The following CDH9 variants were observed in gnomAD, a reference collection of about 807,000 sequenced individuals.
CDH9 encodes the protein cadherin 9.
CDH9 carries 28 observed loss-of-function variants against 70.9 expected under a neutral mutation model. The observed-to-expected ratio is 0.40, with a 90% CI of 0.29 to 0.54. CDH9 has a LOEUF of 0.54. Ranked by LOEUF, CDH9 falls within the 20% of genes least tolerant of loss-of-function variation. The pLI is 0.59. For synonymous variants in CDH9, 409 were observed against 343.1 expected, an observed-to-expected ratio of 1.19 and a Z score of -2.12; for missense variants, 874 against 984.4, an observed-to-expected ratio of 0.89 and a Z score of 1.50.
At chr5:26,948,222 A>G (rs1001045349) in intron 2 of CDH9, among the ~76,000 whole-genome samples, 21 of 152,230 alleles carry the variant, frequency 1.4e-4, no homozygotes, top group Admixed American at 2.6e-4. Flanking sequence ...CAACACGGAG[A>G]TGACAGTTCA....
chr5:26,915,937 A>T lies in CDH9; in HGVS notation c.229-13T>A. ...GGTCAGTGTGAAGCTTTAGAGAGGTAGAAAAGAAGAGTTCTGTAAATATAT... is the reference window on the plus strand; with the variant it reads ...GGTCAGTGTGAAGCTTTAGAGAGGTTGAAAAGAAGAGTTCTGTAAATATAT... On this transcript the variant is annotated splice_polypyrimidine_tract_variant and intron_variant, in intron 2 of 11. Transcript: ENST00000231021. The T allele has an allele frequency of 6.4e-7, 1 of 1,550,836 alleles. No individual in the cohort carries two copies. Among genetic ancestry groups the T allele is most frequent in the Non-Finnish European group, 8.8e-7 (1 of 1,141,438 alleles).
intron 1 of CDH9, among the ~76,000 whole-genome samples, chr5:26,999,568 G>T: frequency 6.6e-6 from 1 of 152,108 alleles, no homozygotes; most frequent in East Asian, 1.9e-4. Flanking sequence ...TCCAGAATTA[G>T]ACCCACACAA....
rs554539175 is a variant in CDH9, at chr5:26,969,386, G to T, written c.228+18720C>A. The stretch of plus-strand genomic sequence containing the variant: ...TTATTTTACAAGACTGATTGGAGAA[G>T]AACTACATTTCACTATTGTTTTAAT... On this transcript the variant is annotated intron_variant, in intron 2 of 11. Transcript: ENST00000231021. Among the ~76,000 whole-genome samples, 29 of 152,174 alleles carry T rather than the reference G, an allele frequency of 1.9e-4. No individual in the cohort carries two copies. The South Asian group carries it at 5.0e-3, about 26-fold the overall frequency.
rs1407237552 is a variant in CDH9 at position 26,880,634 on chromosome 5, A to G, written c.*502T>C. 1.3e-5 allele frequency: 2 copies of G among 152,438 alleles called. No individual in the cohort carries two copies. The highest frequency in any genetic ancestry group is 1.3e-4 in the Admixed American group (2 of 15,238). 9.4% of individuals were successfully genotyped at this position (152,438 alleles called of 1,614,324 possible). Reference sequence around the variant, plus strand: ...ATACTAGTTTATTTCATAAAAATACAAAAATATAAATATACATTTATAAAA... The same window carrying G: ...ATACTAGTTTATTTCATAAAAATACGAAAATATAAATATACATTTATAAAA... On this transcript the variant is annotated 3_prime_UTR_variant, in exon 12 of 12. Transcript: ENST00000231021.
At chr5:26,883,728 C>A (rs1168371640) in intron 11 of CDH9, among the ~76,000 whole-genome samples, 2 of 151,972 alleles carry the variant, frequency 1.3e-5, no homozygotes, top group African/African-American at 4.8e-5. Flanking sequence ...ACATGTTTTA[C>A]TCTAATAAAT....
intron 2 of CDH9, among the ~76,000 whole-genome samples, chr5:26,929,657 G>A (rs78416850): frequency 0.096 from 14,574 of 152,060 alleles, 877 homozygotes; most frequent in East Asian, 0.17. Context: ...GTACTACTCA[G>A]CCATAAAAAA....
At chr5:26,917,929 A>T (rs1741176293) in intron 2 of CDH9, among the ~76,000 whole-genome samples, 1 of 152,150 alleles carries the variant, frequency 6.6e-6, no homozygotes, top group Non-Finnish European at 1.5e-5. Context: ...CATCATGCAC[A>T]TTTTGGTGTT....
At chr5:27,003,561 C>T (rs1742807420) in intron 1 of CDH9, among the ~76,000 whole-genome samples, 1 of 152,000 alleles carries the variant, frequency 6.6e-6, no homozygotes, top group Non-Finnish European at 1.5e-5. Context: ...CACATGATCT[C>T]CATGGTCCTT....
chr5:26,988,045 C>A, intron 2 of CDH9, 61 bp downstream of exon 2: 1 of 1,244,064 alleles, frequency 8.0e-7, no homozygotes, highest in Non-Finnish European at 1.1e-6. Context: ...AGAAAAGTTG[C>A]TGGAAAAAAA....
chr5:26,951,375 A>C (rs185964471), intron 2 of CDH9, among the ~76,000 whole-genome samples: 2 of 152,074 alleles, frequency 1.3e-5, no homozygotes, highest in Admixed American at 6.5e-5. Flanking sequence ...TGTCCTAAAA[A>C]CAAACTAATG....
intron 2 of CDH9, among the ~76,000 whole-genome samples, chr5:26,980,545 T>A (rs1742382838): frequency 6.6e-6 from 1 of 152,030 alleles, no homozygotes; most frequent in Admixed American, 6.6e-5. Context: ...AGACTCTTAA[T>A]ATCAGTTATT....
intron 1 of CDH9, among the ~76,000 whole-genome samples, chr5:27,031,394 A>G (rs1386301876): frequency 3.9e-5 from 6 of 151,912 alleles, no homozygotes; most frequent in Non-Finnish European, 7.4e-5. Flanking sequence ...AGAATTTTCA[A>G]TCTGGGTTAA....
intron 2 of CDH9, among the ~76,000 whole-genome samples, chr5:26,933,846 C>A (rs1452209697): frequency 6.6e-6 from 1 of 151,838 alleles, no homozygotes; most frequent in East Asian, 1.9e-4. Context: ...AGACACATTA[C>A]TACTATTAGA....
At chr5:26,910,224 CATCTATCT>C (rs61512455) in intron 3 of CDH9, among the ~76,000 whole-genome samples, 3,213 of 149,282 alleles carry the variant, frequency 0.022, 114 homozygotes, top group African/African-American at 0.076. Flanking sequence ...ATCTATCATC[CATCTATCT>C]ATCTATCTAT....
intron 2 of CDH9, among the ~76,000 whole-genome samples, chr5:26,928,692 T>A (rs1396838392): frequency 6.6e-6 from 1 of 151,814 alleles, no homozygotes; most frequent in Non-Finnish European, 1.5e-5. Context: ...AATCCATACA[T>A]CCGCAGAGAA....
chr5:26,978,185 AAGAT>A lies in CDH9; in HGVS notation c.228+9917_228+9920del, dbSNP rs1384351339. ...AAACATTCTAACACATAATAAAAAAAAGATAGTGAATAGAAATAGACTTAAAGAA... is the reference window on the plus strand; with the variant it reads ...AAACATTCTAACACATAATAAAAAAAAGTGAATAGAAATAGACTTAAAGAA... On this transcript the variant is annotated intron_variant, in intron 2 of 11. Transcript: ENST00000231021. 3.9e-5 allele frequency among the ~76,000 whole-genome samples: 6 copies of A among 151,986 alleles called. No homozygotes were observed. The East Asian group carries it at 9.7e-4, about 24-fold the overall frequency.
intron 2 of CDH9, among the ~76,000 whole-genome samples, chr5:26,916,170 T>G (rs915692742): frequency 6.6e-6 from 1 of 151,996 alleles, no homozygotes; most frequent in Non-Finnish European, 1.5e-5. Flanking sequence ...AATATGTATC[T>G]GTCAAAACAA....
chr5:27,002,324 ACTGT>A (rs1275771521), intron 1 of CDH9, among the ~76,000 whole-genome samples: 3 of 152,174 alleles, frequency 2.0e-5, no homozygotes, highest in Non-Finnish European at 4.4e-5. Flanking sequence ...TGTTGGTGGG[ACTGT>A]AAACTAGTTC....
Position 26,970,355 on chromosome 5 carries a change from T to C in CDH9, c.228+17751A>G, listed in dbSNP as rs1203474666. 2.0e-5 allele frequency among the ~76,000 whole-genome samples: 3 copies of C among 152,116 alleles called. No individual in the cohort carries two copies. The East Asian group carries it at 5.8e-4, about 29-fold the overall frequency. The stretch of plus-strand genomic sequence containing the variant: ...AAGTAGCTATGTAAAGAAATGACCA[T>C]GAGTCACGTTATTTTACAGTAAAGA... On this transcript the variant is annotated intron_variant, in intron 2 of 11. Transcript: ENST00000231021.
Sources: gnomAD v4.1 joint callset for allele counts (sites outside exome capture counted in the v4.1 genomes callset) on GRCh38, gnomAD v4.1.1 for gene constraint, MANE v1.5 for transcripts, NCBI Gene and HGNC (gene_info 2026-07-23, HGNC 2026-07-21) for gene names.